PEX5L: variants seen among roughly 807,000 people sequenced by gnomAD.
The protein encoded by PEX5L is peroxisomal biogenesis factor 5 like.
Under a neutral mutation model 84.0 loss-of-function variants are expected in PEX5L, and 30 were observed. The observed-to-expected ratio is 0.36, with a 90% CI of 0.27 to 0.48. PEX5L has a LOEUF of 0.48. Ranked by LOEUF, PEX5L falls within the 20% of genes least tolerant of loss-of-function variation. The probability of loss-of-function intolerance (pLI) is 0.99; values close to 1 mark genes in which losing one functional copy is unlikely to be tolerated. For synonymous variants in PEX5L, 270 were observed against 283.1 expected, an observed-to-expected ratio of 0.95 and a Z score of 0.46; for missense variants, 533 against 754.6, an observed-to-expected ratio of 0.71 and a Z score of 3.44.
chr3:179,815,856 G>C lies in PEX5L; in HGVS notation c.1083+5C>G. ...GAGTCTGGCAGAATGAAGGGAGAAT[G>C]ACACCTCTGCATCTCCAGGGTCCTG... On this transcript the variant is annotated splice_donor_5th_base_variant and intron_variant, in intron 10 of 14. Transcript: ENST00000467460. 6.2e-7 allele frequency: 1 copy of C among 1,613,906 alleles called. No individual in the cohort carries two copies. The highest frequency in any genetic ancestry group is 8.5e-7 in the Non-Finnish European group (1 of 1,179,874).
At chr3:179,927,804 G>A (rs1007645663) in intron 2 of PEX5L, among the ~76,000 whole-genome samples, 33 of 152,160 alleles carry the variant, frequency 2.2e-4, no homozygotes, top group Middle Eastern at 3.2e-3. Context: ...GAGAAATAGT[G>A]TAAACTGTAG....
intron 2 of PEX5L, among the ~76,000 whole-genome samples, chr3:179,946,757 G>A (rs1416552321): frequency 6.6e-6 from 1 of 152,196 alleles, no homozygotes; most frequent in African/African-American, 2.4e-5. Context: ...TGAGAACCAG[G>A]AGCTAGAGGC....
At chr3:179,967,229 AG>A (rs1322423435) in intron 2 of PEX5L, among the ~76,000 whole-genome samples, 1 of 152,178 alleles carries the variant, frequency 6.6e-6, no homozygotes, top group East Asian at 1.9e-4. Flanking sequence ...GGTGACAGAA[AG>A]AGCATGGGAC....
rs1178375452 is a variant in PEX5L at position 180,010,246 on chromosome 3, C to CTTTTTTTTTTTTTT, written c.21+26319_21+26332dup. ...AGGCGTGAGCCACTGCACCCGGCCT[C>CTTTTTTTTTTTTTT]TTTTTTTTTTTTTTTTTTTTCTGTA... On this transcript the variant is annotated intron_variant, in intron 1 of 14. Coordinates refer to ENST00000467460, the MANE Select transcript of PEX5L (RefSeq NM_016559.3). Among the ~76,000 whole-genome samples the CTTTTTTTTTTTTTT allele has an allele frequency of 2.4e-3, 252 of 105,132 alleles. 26 individuals are homozygous for CTTTTTTTTTTTTTT. The highest frequency in any genetic ancestry group is 0.01 in the African/African-American group (235 of 23,074). 69.0% of individuals were successfully genotyped at this position (105,132 alleles called of 152,430 possible).
chr3:179,935,795 G>A (rs1010227703), intron 2 of PEX5L, among the ~76,000 whole-genome samples: 2 of 152,200 alleles, frequency 1.3e-5, no homozygotes, highest in African/African-American at 4.8e-5. Context: ...CCACCATCAT[G>A]GGGAGCTTGA....
At chr3:179,883,254 C>A (rs1754719913) in intron 4 of PEX5L, among the ~76,000 whole-genome samples, 2 of 152,236 alleles carry the variant, frequency 1.3e-5, no homozygotes, top group Non-Finnish European at 2.9e-5. Context: ...AGTCACCACT[C>A]ACAGCTTCAT....
intron 9 of PEX5L, 121 bp from the exon 10 acceptor site, chr3:179,816,125 G>A: frequency 1.1e-6 from 1 of 949,846 alleles, no homozygotes; most frequent in Non-Finnish European, 1.6e-6. Flanking sequence ...GGAGAAACAG[G>A]AACACTTTTA....
intron 2 of PEX5L, among the ~76,000 whole-genome samples, chr3:179,912,215 T>G (rs1290140362): frequency 6.6e-6 from 1 of 152,142 alleles, no homozygotes; most frequent in Non-Finnish European, 1.5e-5. Flanking sequence ...GGTTTCAAGT[T>G]GCTTAAAAGT....
At chr3:179,840,726 C>G (rs1269107213) in intron 8 of PEX5L, among the ~76,000 whole-genome samples, 1 of 152,124 alleles carries the variant, frequency 6.6e-6, no homozygotes, top group Non-Finnish European at 1.5e-5. Context: ...AACAGAACCT[C>G]CTGCTGCATT....
rs563629557 is a variant in PEX5L, at chr3:179,841,469, A to G, written c.822+17593T>C. ...AGAGGACCAGGGGCTTACTTGTGTTACAGTACTTAATATATTATATTAGGA... is the reference window on the plus strand; with the variant it reads ...AGAGGACCAGGGGCTTACTTGTGTTGCAGTACTTAATATATTATATTAGGA... On this transcript the variant is annotated intron_variant, in intron 8 of 14. Coordinates refer to ENST00000467460, the MANE Select transcript of PEX5L (RefSeq NM_016559.3). Among the ~76,000 whole-genome samples, 43 of 152,300 alleles carry G rather than the reference A, an allele frequency of 2.8e-4. No homozygotes were observed. In the South Asian group the frequency reaches 8.7e-3, roughly 31 times the overall value.
At chr3:179,975,856 T>A (rs1785722155) in intron 1 of PEX5L, among the ~76,000 whole-genome samples, 1 of 152,206 alleles carries the variant, frequency 6.6e-6, no homozygotes, top group Non-Finnish European at 1.5e-5. Flanking sequence ...CTTTTGAGTG[T>A]CAATGAGGAG....
chr3:180,024,478 G>A (rs569783309), intron 1 of PEX5L, among the ~76,000 whole-genome samples: 40 of 148,584 alleles, frequency 2.7e-4, no homozygotes, highest in African/African-American at 9.2e-4. Flanking sequence ...CCAGGAGGCG[G>A]AGCTTGCAGT....
intron 1 of PEX5L, among the ~76,000 whole-genome samples, chr3:180,031,034 T>C (rs1407695425): frequency 6.6e-6 from 1 of 152,042 alleles, no homozygotes; most frequent in Non-Finnish European, 1.5e-5. Flanking sequence ...ATCCAAAAGT[T>C]TGATCCATTT....
chr3:179,912,685 C>T (rs965927899), intron 2 of PEX5L, among the ~76,000 whole-genome samples: 2 of 152,006 alleles, frequency 1.3e-5, no homozygotes, highest in African/African-American at 4.8e-5. Context: ...ATCTCCACTC[C>T]CCTATTAACA....
intron 1 of PEX5L, among the ~76,000 whole-genome samples, chr3:180,032,032 TG>T (rs1441301005): frequency 6.6e-6 from 1 of 152,216 alleles, no homozygotes; most frequent in South Asian, 2.1e-4. Context: ...CCAGTATGGC[TG>T]GGGAATGAGA....
At chr3:179,879,744 A>G (rs1288930227) in intron 5 of PEX5L, among the ~76,000 whole-genome samples, 185 bp downstream of exon 5, 3 of 152,218 alleles carry the variant, frequency 2.0e-5, no homozygotes, top group African/African-American at 7.2e-5. Context: ...TCAGTTATGC[A>G]AAGTTGAGCT....
intron 1 of PEX5L, among the ~76,000 whole-genome samples, chr3:179,980,048 G>A (rs975313738): frequency 6.6e-6 from 1 of 152,118 alleles, no homozygotes; most frequent in African/African-American, 2.4e-5. Flanking sequence ...AAAACCAGCT[G>A]CTTCTATAGG....
intron 1 of PEX5L, among the ~76,000 whole-genome samples, chr3:180,029,138 G>A (rs1048571265): frequency 3.3e-5 from 5 of 152,110 alleles, no homozygotes; most frequent in African/African-American, 1.2e-4. Context: ...TGTTTATCTT[G>A]GAGGAGAAAA....
At chr3:179,909,834 A>T (rs941876800) in intron 2 of PEX5L, among the ~76,000 whole-genome samples, 1 of 152,220 alleles carries the variant, frequency 6.6e-6, no homozygotes, top group African/African-American at 2.4e-5. Flanking sequence ...CAGGGAGAAG[A>T]CATCCACTGA....
Sources: gnomAD v4.1 joint callset for allele counts (sites outside exome capture counted in the v4.1 genomes callset) on GRCh38, gnomAD v4.1.1 for gene constraint, MANE v1.5 for transcripts, NCBI Gene and HGNC (gene_info 2026-07-23, HGNC 2026-07-21) for gene names.